Variants in PARPBP observed in about 807,000 individuals in gnomAD.
PARPBP encodes PARP1 binding protein.
Under a neutral mutation model 50.0 loss-of-function variants are expected in PARPBP, and 52 were observed. The ratio of observed to expected loss-of-function variants is 1.04; its 90% CI spans 0.83 to 1.31. The LOEUF (loss-of-function observed/expected upper bound fraction) is 1.31, where lower values mean the gene tolerates loss of function less well. PARPBP is among the 50% of genes most tolerant of loss of function. The pLI is 0.00. For missense variants in PARPBP, 697 were observed against 672.0 expected (o/e 1.04, Z -0.41); for synonymous variants, 244 against 232.1 (o/e 1.05, Z -0.47).
chr12:102,141,494 T>A (rs562496852), intron 2 of PARPBP, among the ~76,000 whole-genome samples: 1 of 152,328 alleles, frequency 6.6e-6, no homozygotes, highest in East Asian at 1.9e-4. Flanking sequence ...CATTTGAGTT[T>A]AATATTGTTA....
chr12:102,154,008 A>G, intron 4 of PARPBP, 32 bp downstream of exon 4: 1 of 1,210,156 alleles, frequency 8.3e-7, no homozygotes, highest in Non-Finnish European at 1.2e-6. Context: ...ATTAAAGCAG[A>G]CTATAATCCC....
At chr12:102,146,005 C>G (rs1244905324) in intron 2 of PARPBP, among the ~76,000 whole-genome samples, 1 of 152,092 alleles carries the variant, frequency 6.6e-6, no homozygotes, top group Admixed American at 6.5e-5. Flanking sequence ...ACCCAACTTA[C>G]AAAGGATGTG....
chr12:102,184,707 T>A (rs913612902), intron 9 of PARPBP, among the ~76,000 whole-genome samples: 1 of 152,220 alleles, frequency 6.6e-6, no homozygotes, highest in Admixed American at 6.5e-5. Flanking sequence ...AGGAAAGCAT[T>A]GCTTATGTTT....
intron 4 of PARPBP, among the ~76,000 whole-genome samples, chr12:102,161,138 T>A (rs182140523): frequency 6.6e-6 from 1 of 152,146 alleles, no homozygotes; most frequent in Admixed American, 6.6e-5. Context: ...GACAGTCTCA[T>A]TCTGTCGCTC....
intron 2 of PARPBP, among the ~76,000 whole-genome samples, chr12:102,137,191 G>T (rs1004414439): frequency 6.6e-6 from 1 of 152,170 alleles, no homozygotes; most frequent in African/African-American, 2.4e-5. Context: ...CTGACTTCGT[G>T]ATCCACCCGC....
chr12:102,164,410 G>T, intron 4 of PARPBP, 28 bp from the exon 5 acceptor site: 1 of 1,550,982 alleles, frequency 6.4e-7, no homozygotes, highest in African/African-American at 1.4e-5. Context: ...CTGCAATAAA[G>T]AAATTAACTG....
At chr12:102,141,319 T>G (rs2138148148) in intron 2 of PARPBP, among the ~76,000 whole-genome samples, 1 of 152,290 alleles carries the variant, frequency 6.6e-6, no homozygotes. Context: ...TGCTTTTTTT[T>G]TTGTTTTCCA....
intron 4 of PARPBP, among the ~76,000 whole-genome samples, chr12:102,156,313 C>T (rs933239561): frequency 2.6e-4 from 39 of 150,894 alleles, no homozygotes; most frequent in Admixed American, 7.9e-4. Flanking sequence ...CAGCCTCCCG[C>T]GTAGCTGGGA....
intron 9 of PARPBP, among the ~76,000 whole-genome samples, chr12:102,193,398 T>G (rs1252084358): frequency 2.0e-5 from 3 of 151,952 alleles, no homozygotes; most frequent in Admixed American, 6.6e-5. Flanking sequence ...AGTTTTGCAG[T>G]GAGAAGCTAA....
At chr12:102,147,860 C>A (rs979681835) in intron 2 of PARPBP, among the ~76,000 whole-genome samples, 4 of 151,852 alleles carry the variant, frequency 2.6e-5, no homozygotes, top group African/African-American at 9.7e-5. Flanking sequence ...CGAAAAGGAA[C>A]TAAAAAGAAT....
intron 1 of PARPBP, among the ~76,000 whole-genome samples, chr12:102,120,945 TCA>T (rs1234838111): frequency 1.3e-5 from 2 of 152,228 alleles, no homozygotes; most frequent in East Asian, 3.8e-4. Context: ...ATTTTCTGTC[TCA>T]CAGTTTTTGC....
Position 102,196,464 on chromosome 12 carries a change from C to G in PARPBP, c.*173C>G. ...AAAATACTAGTAAGTCATAATTATG[C>G]AGAATTTTCACAAAGTTTAATGCAC... is the stretch of plus-strand genomic sequence containing the variant. On this transcript the variant is annotated 3_prime_UTR_variant, in exon 11 of 11. Coordinates refer to ENST00000327680, the MANE Select transcript of PARPBP (RefSeq NM_017915.5). The G allele has an allele frequency of 9.7e-6, 7 of 721,486 alleles. No homozygotes were observed. The highest frequency in any genetic ancestry group is 1.7e-5 in the Non-Finnish European group (7 of 417,950). 44.7% of individuals were successfully genotyped at this position (721,486 alleles called of 1,614,324 possible). A position where few individuals can be genotyped will look rare whatever the true frequency, so the allele number is the denominator to read the frequency against.
intron 6 of PARPBP, among the ~76,000 whole-genome samples, chr12:102,172,205 T>G (rs543807081): frequency 1.3e-5 from 2 of 152,296 alleles, no homozygotes; most frequent in East Asian, 3.9e-4. Flanking sequence ...GGAGCTCAGT[T>G]TGCCTCTTTC....
intron 9 of PARPBP, among the ~76,000 whole-genome samples, chr12:102,189,888 G>T (rs1890640356): frequency 6.6e-6 from 1 of 152,090 alleles, no homozygotes; most frequent in African/African-American, 2.4e-5. Context: ...GCAGCTTAAG[G>T]AATTCAGCTG....
chr12:102,131,993 C>T (rs773604887), intron 2 of PARPBP, among the ~76,000 whole-genome samples: 15 of 152,146 alleles, frequency 9.9e-5, no homozygotes, highest in African/African-American at 2.2e-4. Flanking sequence ...GGCCTGAGGT[C>T]GGGAGTTTGA....
At chr12:102,165,152 T>G (rs919960459) in intron 5 of PARPBP, among the ~76,000 whole-genome samples, 4 of 152,232 alleles carry the variant, frequency 2.6e-5, no homozygotes, top group Non-Finnish European at 5.9e-5. Context: ...ATTGGAACAC[T>G]TACGTACAGC....
At chr12:102,194,429 T>C (rs1891074333) in intron 9 of PARPBP, among the ~76,000 whole-genome samples, 1 of 152,106 alleles carries the variant, frequency 6.6e-6, no homozygotes, top group Non-Finnish European at 1.5e-5. Context: ...ACCTGAATGG[T>C]ATTACACATC....
chr12:102,148,022 A>G (rs576697406), intron 2 of PARPBP, among the ~76,000 whole-genome samples: 1 of 152,278 alleles, frequency 6.6e-6, no homozygotes, highest in South Asian at 2.1e-4. Flanking sequence ...TTAGTTGTTC[A>G]TATTTTATAA....
At chr12:102,133,184 T>C (rs1482960163) in intron 2 of PARPBP, among the ~76,000 whole-genome samples, 4 of 152,176 alleles carry the variant, frequency 2.6e-5, no homozygotes, top group Non-Finnish European at 5.9e-5. Flanking sequence ...AGTACTATGT[T>C]GAATAGAAGT....
Sources: gnomAD v4.1 joint callset for allele counts (sites outside exome capture counted in the v4.1 genomes callset) on GRCh38, gnomAD v4.1.1 for gene constraint, MANE v1.5 for transcripts, NCBI Gene and HGNC (gene_info 2026-07-23, HGNC 2026-07-21) for gene names.